Variants in PAK5 observed in about 807,000 individuals in gnomAD.
PAK5 encodes serine/threonine-protein kinase PAK 5.
In PAK5, 16 loss-of-function variants were observed where a neutral mutation model predicts 65.9. The observed-to-expected ratio is 0.24, with a 90% CI of 0.16 to 0.37. The LOEUF (loss-of-function observed/expected upper bound fraction) is 0.37, where lower values mean the gene tolerates loss of function less well. PAK5 is among the 10% of genes least tolerant of loss of function. The pLI is 1.00. For synonymous variants in PAK5, 371 were observed against 354.9 expected, an observed-to-expected ratio of 1.05 and a Z score of -0.51; for missense variants, 785 against 903.9, an observed-to-expected ratio of 0.87 and a Z score of 1.69.
intron 1 of PAK5, among the ~76,000 whole-genome samples, chr20:9,811,196 A>T (rs1188536387): frequency 2.0e-5 from 3 of 152,174 alleles, no homozygotes; most frequent in Non-Finnish European, 4.4e-5. Flanking sequence ...TTATAAATTA[A>T]TCTGCCCCAA....
At chr20:9,701,118 T>G (rs2047934089) in intron 2 of PAK5, among the ~76,000 whole-genome samples, 1 of 152,110 alleles carries the variant, frequency 6.6e-6, no homozygotes, top group South Asian at 2.1e-4. Context: ...TCCACAGGCA[T>G]GAGAACCCTG....
At chr20:9,546,464 T>C (rs2045346227) in intron 7 of PAK5, among the ~76,000 whole-genome samples, 1 of 152,184 alleles carries the variant, frequency 6.6e-6, no homozygotes. Context: ...TATCAAGATC[T>C]GGGTATTGCC....
intron 1 of PAK5, among the ~76,000 whole-genome samples, chr20:9,748,072 A>C (rs2048529701): frequency 6.6e-6 from 1 of 152,164 alleles, no homozygotes; most frequent in African/African-American, 2.4e-5. Flanking sequence ...ATCATGAGTG[A>C]ACTCCCATTC....
At chr20:9,569,604 G>A (rs1203826071) in intron 4 of PAK5, among the ~76,000 whole-genome samples, 1 of 152,192 alleles carries the variant, frequency 6.6e-6, no homozygotes, top group Admixed American at 6.5e-5. Flanking sequence ...ACTGAGAAGT[G>A]GGATGGGGCA....
chr20:9,548,016 C>T (rs2045369911), intron 7 of PAK5, among the ~76,000 whole-genome samples: 1 of 152,194 alleles, frequency 6.6e-6, no homozygotes, highest in Non-Finnish European at 1.5e-5. Flanking sequence ...TTAACATTTT[C>T]ACCACACCCC....
At chr20:9,682,148 G>C (rs1401934963) in intron 2 of PAK5, among the ~76,000 whole-genome samples, 1 of 152,170 alleles carries the variant, frequency 6.6e-6, no homozygotes, top group African/African-American at 2.4e-5. Flanking sequence ...ACGAGGTCAG[G>C]AGATCGAGAC....
chr20:9,801,779 G>A (rs548454851), intron 1 of PAK5, among the ~76,000 whole-genome samples: 5 of 152,162 alleles, frequency 3.3e-5, no homozygotes, highest in African/African-American at 1.2e-4. Context: ...AAGCCAGCAT[G>A]AGTTAAATTA....
chr20:9,670,711 C>G (rs570106340), intron 2 of PAK5, among the ~76,000 whole-genome samples: 24 of 152,292 alleles, frequency 1.6e-4, no homozygotes, highest in African/African-American at 5.8e-4. Flanking sequence ...AATTTTCTCC[C>G]ATTCTGTAGG....
chr20:9,596,852 A>G (rs2046278958), intron 3 of PAK5, among the ~76,000 whole-genome samples: 1 of 152,166 alleles, frequency 6.6e-6, no homozygotes, highest in Admixed American at 6.5e-5. Flanking sequence ...ATTAAACCCT[A>G]CTTGGCACAT....
intron 7 of PAK5, among the ~76,000 whole-genome samples, chr20:9,554,379 C>G (rs899870552): frequency 6.6e-6 from 1 of 152,174 alleles, no homozygotes; most frequent in African/African-American, 2.4e-5. Context: ...AAGCTCAAGC[C>G]ACATGGGGAG....
rs544903419 is a variant in PAK5 at position 9,696,574 on chromosome 20, C to T, written c.-12+14712G>A. Among the ~76,000 whole-genome samples the T allele has an allele frequency of 3.9e-5, 6 of 152,194 alleles. No homozygotes were observed. The South Asian group carries it at 8.3e-4, about 21-fold the overall frequency. Reference sequence around the variant, plus strand: ...ATGGTCTACTACTCTCTGAGACAGACGTGTGGGAGAAAGTTTCTTTTTTCT... The same window carrying T: ...ATGGTCTACTACTCTCTGAGACAGATGTGTGGGAGAAAGTTTCTTTTTTCT... On this transcript the variant is annotated intron_variant, in intron 2 of 9. Coordinates refer to ENST00000353224, the MANE Select transcript of PAK5 (RefSeq NM_177990.4).
intron 3 of PAK5, among the ~76,000 whole-genome samples, chr20:9,581,545 T>C (rs575958644): frequency 6.6e-6 from 1 of 152,310 alleles, no homozygotes; most frequent in Non-Finnish European, 1.5e-5. Flanking sequence ...ATTTGTGTGA[T>C]TTATGATCAA....
chr20:9,792,196 C>T (rs2049057013), intron 1 of PAK5, among the ~76,000 whole-genome samples: 1 of 152,102 alleles, frequency 6.6e-6, no homozygotes, highest in African/African-American at 2.4e-5. Context: ...AACATCTTCA[C>T]ATTAGCAGGG....
chr20:9,804,564 C>T (rs1244033414), intron 1 of PAK5, among the ~76,000 whole-genome samples: 8 of 152,064 alleles, frequency 5.3e-5, no homozygotes, highest in Middle Eastern at 3.2e-3. Flanking sequence ...CAAAATTTAA[C>T]TAAAAATAGA....
intron 1 of PAK5, among the ~76,000 whole-genome samples, chr20:9,756,491 G>T (rs950621731): frequency 6.6e-6 from 1 of 152,016 alleles, no homozygotes; most frequent in Non-Finnish European, 1.5e-5. Flanking sequence ...CTCCCATCCC[G>T]GCAGCTGCTG....
At chr20:9,788,764 C>G (rs987828538) in intron 1 of PAK5, among the ~76,000 whole-genome samples, 1 of 152,122 alleles carries the variant, frequency 6.6e-6, no homozygotes, top group Non-Finnish European at 1.5e-5. Context: ...TCTTGGATAA[C>G]AAAGGGGTTC....
rs144562639 is a variant in PAK5, at chr20:9,766,704, A to G, written c.-161-55269T>C. ...CATTTAAAGTTCAAAAGGTTAAAAT[A>G]GGTGAAACTAATCTAAGATGTTAGA... On this transcript the variant is annotated intron_variant, in intron 1 of 9. Transcript: ENST00000353224. 5.3e-4 allele frequency among the ~76,000 whole-genome samples: 80 copies of G among 151,790 alleles called. 2 individuals carry two copies. In the East Asian group the frequency reaches 0.015, roughly 28 times the overall value.
chr20:9,731,279 A>C (rs2048332315), intron 1 of PAK5, among the ~76,000 whole-genome samples: 1 of 152,272 alleles, frequency 6.6e-6, no homozygotes, highest in Admixed American at 6.5e-5. Flanking sequence ...CTGCATTAAA[A>C]GGAAAAATAA....
At chr20:9,653,550 C>G (rs1333067820) in intron 2 of PAK5, among the ~76,000 whole-genome samples, 1 of 152,208 alleles carries the variant, frequency 6.6e-6, no homozygotes, top group Non-Finnish European at 1.5e-5. Flanking sequence ...ATTGTGGAAG[C>G]CAGTTCTGAG....
Sources: allele counts gnomAD v4.1 joint callset (sites outside exome capture counted in the v4.1 genomes callset), GRCh38; gene constraint gnomAD v4.1.1; transcripts MANE v1.5; gene names NCBI Gene and HGNC (gene_info 2026-07-23, HGNC 2026-07-21).